Variants in CTTNBP2 observed in about 807,000 individuals in gnomAD.
The protein encoded by CTTNBP2 is cortactin binding protein 2.
A neutral mutation model predicts 156.9 loss-of-function variants in CTTNBP2; 108 were observed. The ratio of observed to expected loss-of-function variants is 0.69; its 90% confidence interval spans 0.59 to 0.81. The LOEUF is 0.81. Among genes scored for constraint, CTTNBP2 ranks in the 30% least tolerant of loss-of-function variants. The pLI is 0.00. For synonymous variants in CTTNBP2, 767 were observed against 751.8 expected (o/e 1.02, Z -0.33); for missense variants, 1,924 against 2,035.4 (o/e 0.95, Z 1.05).
chr7:117,836,457 C>T (rs576013186), intron 2 of CTTNBP2, among the ~76,000 whole-genome samples: 19 of 151,878 alleles, frequency 1.3e-4, no homozygotes, highest in Non-Finnish European at 2.8e-4. Context: ...CCAGCCACTC[C>T]GGAGGCTGAG....
chr7:117,731,054 A>C (rs1795372865), intron 16 of CTTNBP2, among the ~76,000 whole-genome samples: 1 of 152,188 alleles, frequency 6.6e-6, no homozygotes, highest in Non-Finnish European at 1.5e-5. Context: ...GTTTATGTAC[A>C]TGGTACAAGG....
intron 7 of CTTNBP2, 51 bp downstream of exon 7, chr7:117,780,379 TAGAGTTTACAA>T (rs1440642451): frequency 1.3e-4 from 151 of 1,123,732 alleles, no homozygotes; most frequent in Non-Finnish European, 1.4e-4. Context: ...TTTCTAGTTA[TAGAGTTTACAA>T]ATATATTGCA....
In CTTNBP2 at chr7:117,719,618, T is replaced by C. The variant is rs1794666117; in HGVS notation, c.4530A>G (p.Leu1510=). Residue 1510 remains leucine (L), a synonymous_variant, in exon 21 of 23, where the codon CTA becomes CTG. Transcript: ENST00000160373. ...LSKQKSLEND[L]SLTLNLDQRL... ...TCTGATCCAAATTCAACGTCAGTGA[T>C]AGATCATTCTCTAAAGACCTAACAC... 1.2e-6 allele frequency: 2 copies of C among 1,613,588 alleles called. No individual in the cohort carries two copies. Among genetic ancestry groups the C allele is most frequent in the Non-Finnish European group, 1.7e-6 (2 of 1,179,782 alleles).
intron 2 of CTTNBP2, among the ~76,000 whole-genome samples, chr7:117,826,454 C>A (rs1801287162): frequency 2.0e-5 from 3 of 151,980 alleles, no homozygotes; most frequent in Non-Finnish European, 2.9e-5. Flanking sequence ...AAAGATATAC[C>A]ATTAACTTTA....
At chr7:117,835,183 G>C (rs960320400) in intron 2 of CTTNBP2, among the ~76,000 whole-genome samples, 1 of 152,212 alleles carries the variant, frequency 6.6e-6, no homozygotes, top group African/African-American at 2.4e-5. Context: ...AAAAGTGTTT[G>C]CAGAAATAGG....
At chr7:117,833,208 T>C (rs1010693411) in intron 2 of CTTNBP2, among the ~76,000 whole-genome samples, 1 of 152,168 alleles carries the variant, frequency 6.6e-6, no homozygotes, top group African/African-American at 2.4e-5. Context: ...ATCTCAATCC[T>C]GCTTTCCCCT....
intron 2 of CTTNBP2, among the ~76,000 whole-genome samples, chr7:117,816,650 C>T (rs1800592774): frequency 6.6e-6 from 1 of 152,176 alleles, no homozygotes; most frequent in Non-Finnish European, 1.5e-5. Flanking sequence ...AGTTTACCTG[C>T]TTTTCAACAA....
Position 117,817,361 on chromosome 7 carries a change from A to AAAAT in CTTNBP2, c.190-6373_190-6372insATTT, listed in dbSNP as rs1554437688. Among the ~76,000 whole-genome samples the AAAAT allele has an allele frequency of 2.0e-3, 104 of 53,254 alleles. 2 individuals carry two copies. Among genetic ancestry groups the AAAAT allele is most frequent in the Non-Finnish European group, 2.2e-3 (66 of 29,426 alleles). The allele number at this position is 53,254 out of a possible 152,430, so 34.9% of individuals were successfully genotyped here. ...AAAAAAAAAAAAAAAAAAAAAAAAA[A>AAAAT]ATATATATATATATATATATATATA... On this transcript the variant is annotated intron_variant, in intron 2 of 22. Coordinates refer to ENST00000160373, the MANE Select transcript of CTTNBP2 (RefSeq NM_033427.3).
intron 3 of CTTNBP2, among the ~76,000 whole-genome samples, chr7:117,806,161 A>G (rs925754183): frequency 7.9e-5 from 12 of 152,206 alleles, no homozygotes; most frequent in Non-Finnish European, 1.3e-4. Context: ...TGTGTGGAAG[A>G]GCTCAGAAGA....
chr7:117,759,927 G>A (rs7795019), intron 10 of CTTNBP2, among the ~76,000 whole-genome samples: 2,051 of 152,300 alleles, frequency 0.013, 23 homozygotes, highest in Non-Finnish European at 0.02. Context: ...TCTGTTTTGT[G>A]CTGTCTATCA....
At position 117,804,848 on chromosome 7, in the gene CTTNBP2, G is replaced by A. The variant is rs1370497624; in HGVS notation, c.414+5917C>T. 2.0e-5 allele frequency among the ~76,000 whole-genome samples: 3 copies of A among 152,138 alleles called. No homozygotes were observed. The South Asian group carries it at 6.2e-4, about 32-fold the overall frequency. On this transcript the variant is annotated intron_variant, in intron 3 of 22. Coordinates refer to ENST00000160373, the MANE Select transcript of CTTNBP2 (RefSeq NM_033427.3). ...ATGCCTATGTGATGGGTTGACAGGT[G>A]CAGCAAACCACCATGGCACATGTTT...
At chr7:117,861,036 T>C (rs1803698263) in intron 2 of CTTNBP2, among the ~76,000 whole-genome samples, 173 bp downstream of exon 2, 1 of 152,206 alleles carries the variant, frequency 6.6e-6, no homozygotes, top group African/African-American at 2.4e-5. Context: ...CTTCAGTGTT[T>C]GTTTGGGCTT....
chr7:117,817,359 A>T (rs6961326), intron 2 of CTTNBP2, among the ~76,000 whole-genome samples: 5,552 of 33,102 alleles, frequency 0.17, 964 homozygotes, highest in East Asian at 0.27. Context: ...AAAAAAAAAA[A>T]AAATATATAT....
At chr7:117,763,913 T>C (rs1007473131) in intron 9 of CTTNBP2, among the ~76,000 whole-genome samples, 1 of 152,024 alleles carries the variant, frequency 6.6e-6, no homozygotes, top group Non-Finnish European at 1.5e-5. Context: ...TATTTCCCAA[T>C]CTTCTTTTAG....
intron 2 of CTTNBP2, among the ~76,000 whole-genome samples, chr7:117,842,527 G>GA (rs1370044689): frequency 1.3e-5 from 2 of 151,364 alleles, no homozygotes; most frequent in Non-Finnish European, 2.9e-5. Context: ...TAAAAAAAAA[G>GA]AAAAAAAGAA....
intron 1 of CTTNBP2, among the ~76,000 whole-genome samples, chr7:117,872,373 C>T (rs1243776347): frequency 1.3e-5 from 2 of 152,288 alleles, no homozygotes; most frequent in Non-Finnish European, 1.5e-5. Flanking sequence ...TCGGCGGGAG[C>T]AGCCAGATCT....
chr7:117,870,946 T>C (rs1804552939), intron 1 of CTTNBP2, among the ~76,000 whole-genome samples: 1 of 152,212 alleles, frequency 6.6e-6, no homozygotes, highest in Non-Finnish European at 1.5e-5. Context: ...AACTGAAAAC[T>C]ATAAATTAAG....
chr7:117,837,422 T>C (rs1802022969), intron 2 of CTTNBP2, among the ~76,000 whole-genome samples: 2 of 152,212 alleles, frequency 1.3e-5, no homozygotes, highest in Non-Finnish European at 1.5e-5. Flanking sequence ...CCCTGCTACC[T>C]TCTCTGCTCT....
Position 117,757,942 on chromosome 7 carries a change from G to A in CTTNBP2, c.3201C>T (p.Ser1067=). Residue 1067 remains serine, a synonymous_variant, in exon 11 of 23, where the codon AGC becomes AGT. Coordinates refer to ENST00000160373, the MANE Select transcript of CTTNBP2 (RefSeq NM_033427.3). ...TAAAGTCCCACGGGGACTGCGCGAA[G>A]CTCTGACCCACTGACCACGGCACAT... is the stretch of plus-strand genomic sequence containing the variant. ...LGNVPWSVGQ[S]FAQSPWDFMR... is the part of the protein sequence containing the mutation. 6.2e-7 allele frequency: 1 copy of A among 1,613,522 alleles called. No individual in the cohort carries two copies. Among genetic ancestry groups the A allele is most frequent in the South Asian group, 1.1e-5 (1 of 91,012 alleles).
Sources: gnomAD v4.1 joint callset for allele counts (sites outside exome capture counted in the v4.1 genomes callset) on GRCh38, gnomAD v4.1.1 for gene constraint, MANE v1.5 for transcripts, NCBI Gene and HGNC (gene_info 2026-07-23, HGNC 2026-07-21) for gene names.